The following COL6A3 variants were observed in gnomAD, a reference collection of about 807,000 sequenced individuals.
COL6A3 encodes the protein collagen alpha-3(VI) chain.
Under a neutral mutation model 274.1 loss-of-function variants are expected in COL6A3, and 137 were observed. That is an observed-to-expected ratio of 0.50 (90% CI 0.44 to 0.58). COL6A3 has a LOEUF of 0.58. Ranked by LOEUF, COL6A3 falls within the 20% of genes least tolerant of loss-of-function variation. COL6A3 has a pLI of 0.00. For synonymous variants in COL6A3, 1,650 were observed against 1,650.6 expected (o/e 1.00, Z 0.01); for missense variants, 3,950 against 4,124.9 (o/e 0.96, Z 1.16).
chr2:237,373,670 G>A (rs1391095199), intron 8 of COL6A3, among the ~76,000 whole-genome samples: 2 of 152,094 alleles, frequency 1.3e-5, no homozygotes, highest in Admixed American at 1.3e-4. Context: ...ATATGAGGGA[G>A]CAAGGCCGCA....
chr2:237,351,254 T>G, intron 26 of COL6A3, 62 bp from the exon 27 acceptor site: 2 of 1,520,956 alleles, frequency 1.3e-6, no homozygotes, highest in Non-Finnish European at 1.8e-6. Context: ...AATTGGTCTC[T>G]GAAACCTGAC....
chr2:237,398,096 C>T (rs749619356), intron 1 of COL6A3, among the ~76,000 whole-genome samples: 7 of 152,244 alleles, frequency 4.6e-5, no homozygotes, highest in Non-Finnish European at 8.8e-5. Context: ...ACACCAAATG[C>T]AACCCAACCA....
At position 237,374,553 on chromosome 2, in the gene COL6A3, A is replaced by G; in HGVS notation, c.3538T>C (p.Phe1180Leu). 1 of 1,614,216 alleles carries G rather than the reference A, an allele frequency of 6.2e-7. No individual in the cohort carries two copies. The highest frequency in any genetic ancestry group is 8.5e-7 in the Non-Finnish European group (1 of 1,180,030). Residue 1180 changes from phenylalanine (F) to leucine (L), a missense_variant, in exon 8 of 44, where the codon TTC becomes CTC. Physicochemically the swap from Phe to Leu is conservative, Grantham distance 22 (BLOSUM62 0). Around this residue, in one of 5 missense-constraint regions of COL6A3, gnomAD observed 1,934 missense variants for 1,984.3 expected, o/e 0.97. Transcript: ENST00000295550. The surrounding 1 kb of genome is among the most constrained non-coding windows in gnomAD (Gnocchi z 4.8). ...ATGGCCACGGCAAAGTCCGGGATGA[A>G]GGAGATGGTCTGCATCTCTGTGATG... ...ADITEMQTIS[F>L]IPDFAVAIPT...
Position 237,346,626 on chromosome 2 carries a change from T to C in COL6A3, c.7030-61A>G, listed in dbSNP as rs767173075. On this transcript the variant is annotated intron_variant, in intron 31 of 43. Transcript: ENST00000295550. ...CAGAAAGTGGAGAATTTAAGGCTCC[T>C]ATAGTTGGAAGGTACGGTAAAAGTG... 2.2e-4 allele frequency: 324 copies of C among 1,479,174 alleles called. 1 individual carries two copies. Among genetic ancestry groups the C allele is most frequent in the Middle Eastern group, 2.1e-3 (12 of 5,810 alleles). The allele number at this position is 1,479,174 out of a possible 1,614,324, so 91.6% of individuals were successfully genotyped here. A position where few individuals can be genotyped will look rare whatever the true frequency, so the allele number is the denominator to read the frequency against.
At chr2:237,403,000 C>T (rs899061393) in intron 1 of COL6A3, among the ~76,000 whole-genome samples, 11 of 152,100 alleles carry the variant, frequency 7.2e-5, no homozygotes, top group African/African-American at 1.2e-4. Context: ...AGAGTCTGTC[C>T]GGCTGATGAG....
rs1023030949 is a variant in COL6A3, at chr2:237,364,115, C to T, written c.5917+235G>A. Among the ~76,000 whole-genome samples the T allele has an allele frequency of 6.6e-6, 1 of 152,134 alleles. No individual in the cohort carries two copies. Among genetic ancestry groups the T allele is most frequent in the Non-Finnish European group, 1.5e-5 (1 of 68,032 alleles). ...ATCATGCTTTCTGAACATTCTACCA[C>T]CTGAACAGCCACAACACAACAGTAA... On this transcript the variant is annotated intron_variant, in intron 13 of 43. Coordinates refer to ENST00000295550, the MANE Select transcript of COL6A3 (RefSeq NM_004369.4). This position sits in a 1 kb window ranked among gnomAD's most constrained non-coding sequence, Gnocchi z 4.6.
In COL6A3 at chr2:237,336,179, G is replaced by T; in HGVS notation, c.8921C>A (p.Ala2974Glu). ...ATKPEVPRPQ[A>E]AKPAATKPAT... Reference sequence around the variant, plus strand: ...TGGCTTGGTGGCAGCTGGTTTGGCTGCCTGTGGCCTAGGGACCTCAGGCTT... The same window carrying T: ...TGGCTTGGTGGCAGCTGGTTTGGCTTCCTGTGGCCTAGGGACCTCAGGCTT... Residue 2974 changes from alanine to glutamate, a missense_variant, in exon 40 of 44, where the codon GCA (alanine) becomes GAA (glutamate). Around this residue, in one of 5 missense-constraint regions of COL6A3, gnomAD observed 1,284 missense variants for 1,349.7 expected, o/e 0.95. Transcript: ENST00000295550. The T allele has an allele frequency of 1.2e-6, 2 of 1,613,590 alleles. No homozygotes were observed.
At chr2:237,342,675 A>G (rs1225555872) in intron 36 of COL6A3, 1 of 159,498 alleles carries the variant, frequency 6.3e-6, no homozygotes, top group Admixed American at 5.9e-5. Flanking sequence ...ACAAATAGCT[A>G]GTTTGAATGA....
At chr2:237,342,302 TTGGGGG>T in intron 36 of COL6A3, 141 bp from the exon 37 acceptor site, 1 of 726,430 alleles carries the variant, frequency 1.4e-6, no homozygotes, top group Non-Finnish European at 2.4e-6. Context: ...ATCTTCTCAT[TTGGGGG>T]TGGGGTTAGG....
intron 1 of COL6A3, among the ~76,000 whole-genome samples, chr2:237,411,699 C>T (rs1238148974): frequency 6.6e-6 from 1 of 152,194 alleles, no homozygotes. Flanking sequence ...TTTGCTGAGT[C>T]CTGAATGCTT....
At position 237,334,612 on chromosome 2, in the gene COL6A3, G is replaced by C. The variant is rs1247157686; in HGVS notation, c.9229+14C>G. The C allele has an allele frequency of 1.9e-6, 3 of 1,612,756 alleles. No homozygotes were observed. The highest frequency in any genetic ancestry group is 2.5e-6 in the Non-Finnish European group (3 of 1,179,762). On this transcript the variant is annotated intron_variant, in intron 41 of 43. Transcript: ENST00000295550. ...TAGAAATCAGGTACCGACTTGTACT[G>C]ATCATGTACTTACTTGTACTGAAAC...
At chr2:237,410,408 T>C (rs2078829004) in intron 1 of COL6A3, among the ~76,000 whole-genome samples, 1 of 151,394 alleles carries the variant, frequency 6.6e-6, no homozygotes, top group South Asian at 2.1e-4. Flanking sequence ...CAGGCTCAAG[T>C]GATCCTCCCA....
Position 237,371,930 on chromosome 2 carries a change from C to T in COL6A3, c.4087G>A (p.Gly1363Ser), listed in dbSNP as rs1305553355. The T allele has an allele frequency of 6.2e-7, 1 of 1,614,076 alleles. No individual in the cohort carries two copies. The highest frequency in any genetic ancestry group is 1.7e-5 in the Admixed American group (1 of 60,032). Residue 1363 changes from glycine to serine, a missense_variant, in exon 9 of 44, where the codon GGC (glycine) becomes AGC (serine). Transcript: ENST00000295550. The surrounding 1 kb of genome is among the most constrained non-coding windows in gnomAD (Gnocchi z 4.3). ...CTGGCGATCGTGAAAGGGGCCACGC[C>T]AAACTGCTTGAGCTCCACCGCCGGG... ...DDPAVELKQF[G>S]VAPFTIARNA...
At chr2:237,398,350 C>T (rs1268841438) in intron 1 of COL6A3, among the ~76,000 whole-genome samples, 1 of 152,230 alleles carries the variant, frequency 6.6e-6, no homozygotes, top group Admixed American at 6.5e-5. Flanking sequence ...ACATTCACTT[C>T]AGCTCAGTAG....
rs370403457 is a variant in COL6A3 at position 237,374,602 on chromosome 2, A to G, written c.3489T>C (p.Ile1163=). 2 of 1,614,192 alleles carry G rather than the reference A, an allele frequency of 1.2e-6. No individual in the cohort carries two copies. Among genetic ancestry groups the G allele is most frequent in the African/African-American group, 2.7e-5 (2 of 75,068 alleles). ...TGTCAGCGTTCCCGATGCCAATGCC[A>G]ATGGGCACAGCCCCACCCCTCTTCA... is the stretch of plus-strand genomic sequence containing the variant. ...VVVKRGGAVP[I]GIGIGNADIT... The change falls in exon 8 of 44, where the codon ATT becomes ATC. Residue 1163 remains isoleucine (I), a synonymous_variant. Transcript: ENST00000295550. The surrounding 1 kb of genome is among the most constrained non-coding windows in gnomAD (Gnocchi z 4.8).
chr2:237,369,266 C>A, intron 9 of COL6A3, 89 bp from the exon 10 acceptor site: 1 of 1,526,604 alleles, frequency 6.6e-7, no homozygotes, highest in Non-Finnish European at 8.9e-7. Flanking sequence ...TAATCCTAAT[C>A]AACCTTAAGA....
chr2:237,377,131 T>C lies in COL6A3; in HGVS notation c.2711A>G (p.Lys904Arg), dbSNP rs1311777697. 1 of 1,614,114 alleles carries C rather than the reference T, an allele frequency of 6.2e-7. No individual in the cohort carries two copies. The highest frequency in any genetic ancestry group is 8.5e-7 in the Non-Finnish European group (1 of 1,180,052). ...QSKPEILNLV[K>R]RMKIKTGKAL... ...TTTGCCCGTCTTGATCTTCATTCTC[T>C]TCACAAGATTCAGGATCTCAGGCTT... Residue 904 changes from lysine to arginine, a missense_variant, in exon 7 of 44, where the codon AAG (lysine) becomes AGG (arginine). This residue lies in a region of COL6A3 where 1,934 missense variants were observed against 1,984.3 expected (regional missense o/e 0.97). Coordinates refer to ENST00000295550, the MANE Select transcript of COL6A3 (RefSeq NM_004369.4).
intron 13 of COL6A3, 93 bp from the exon 14 acceptor site, chr2:237,363,491 G>C: frequency 6.9e-7 from 1 of 1,440,988 alleles, no homozygotes; most frequent in Non-Finnish European, 9.7e-7. Context: ...GAAAACTTCA[G>C]TGTAAAATTT....
At chr2:237,334,326 C>T (rs1044563220) in intron 41 of COL6A3, among the ~76,000 whole-genome samples, 8 of 152,158 alleles carry the variant, frequency 5.3e-5, no homozygotes, top group Non-Finnish European at 1.2e-4. Flanking sequence ...CCATCTTTCC[C>T]GGGTGCAATG....
Sources: allele counts gnomAD v4.1 joint callset (sites outside exome capture counted in the v4.1 genomes callset), GRCh38; gene constraint gnomAD v4.1.1; regional missense constraint gnomAD v4.1.1; non-coding constraint Gnocchi (gnomAD v3.1); transcripts MANE v1.5; gene names NCBI Gene and HGNC (gene_info 2026-07-23, HGNC 2026-07-21).